Variants in TM4SF4 observed in about 807,000 individuals in gnomAD.
TM4SF4 encodes transmembrane 4 L6 family member 4.
A neutral mutation model predicts 24.1 loss-of-function variants in TM4SF4; 24 were observed. The ratio of observed to expected loss-of-function variants is 1.00; its 90% CI spans 0.72 to 1.40. The LOEUF (loss-of-function observed/expected upper bound fraction) is 1.40. Among genes scored for constraint, TM4SF4 ranks in the 40% most tolerant of loss-of-function variants. The probability of loss-of-function intolerance (pLI) is 0.00; values close to 1 mark genes in which losing one functional copy is unlikely to be tolerated. For synonymous variants in TM4SF4, 113 were observed against 97.0 expected, an observed-to-expected ratio of 1.17 and a Z score of -0.97; for missense variants, 254 against 254.2, an observed-to-expected ratio of 1.00 and a Z score of 0.01.
At chr3:149,483,805 G>T (rs1036522371) in intron 2 of TM4SF4, among the ~76,000 whole-genome samples, 6 of 152,086 alleles carry the variant, frequency 3.9e-5, no homozygotes, top group Non-Finnish European at 8.8e-5. Context: ...TTTTGAGACA[G>T]AGTCTCACTC....
chr3:149,479,070 T>C (rs1033823933), intron 2 of TM4SF4, among the ~76,000 whole-genome samples: 1 of 152,128 alleles, frequency 6.6e-6, no homozygotes, highest in African/African-American at 2.4e-5. Context: ...CCTGGCCGAT[T>C]GTTCTGTTTT....
At chr3:149,484,004 C>T (rs939209899) in intron 2 of TM4SF4, among the ~76,000 whole-genome samples, 1 of 152,016 alleles carries the variant, frequency 6.6e-6, no homozygotes, top group Non-Finnish European at 1.5e-5. Flanking sequence ...TGGGCTTGAA[C>T]TCCTGGGCGC....
chr3:149,479,647 C>G (rs145422957), intron 2 of TM4SF4, among the ~76,000 whole-genome samples: 5,087 of 152,324 alleles, frequency 0.033, 91 homozygotes, highest in Middle Eastern at 0.065. Context: ...CAGGCCCCAG[C>G]TCCTTCGGGG....
At chr3:149,476,901 A>C (rs1733942492) in intron 2 of TM4SF4, among the ~76,000 whole-genome samples, 1 of 149,162 alleles carries the variant, frequency 6.7e-6, no homozygotes, top group Admixed American at 6.8e-5. Context: ...TCTGGGCTCA[A>C]GTGATTCTCC....
intron 4 of TM4SF4, among the ~76,000 whole-genome samples, chr3:149,499,816 A>G (rs951353926): frequency 2.6e-5 from 4 of 151,660 alleles, no homozygotes; most frequent in Admixed American, 2.0e-4. Flanking sequence ...CAGAGGTTGC[A>G]GTGAGCCGAG....
chr3:149,482,586 C>T (rs1734053229), intron 2 of TM4SF4, among the ~76,000 whole-genome samples: 1 of 152,176 alleles, frequency 6.6e-6, no homozygotes, highest in African/African-American at 2.4e-5. Context: ...CTCTGTTGCC[C>T]AGGCTGAAGT....
intron 2 of TM4SF4, among the ~76,000 whole-genome samples, chr3:149,486,938 G>T (rs1362895122): frequency 6.6e-6 from 1 of 152,132 alleles, no homozygotes; most frequent in Non-Finnish European, 1.5e-5. Flanking sequence ...GCCTTAGCAG[G>T]ATAATTTGAC....
At position 149,503,089 on chromosome 3, in the gene TM4SF4, T is replaced by A. The variant is rs1246794363; in HGVS notation, c.*396T>A. The A allele has an allele frequency of 6.2e-6, 1 of 162,198 alleles. No homozygotes were observed. Among genetic ancestry groups the A allele is most frequent in the African/African-American group, 2.4e-5 (1 of 41,690 alleles). 10.0% of individuals were successfully genotyped at this position (162,198 alleles called of 1,614,324 possible). ...ACATAAATCAAAGGAAGAAAGCACA[T>A]TTAAAATGAGAAACTAAGACCAATT... is the stretch of plus-strand genomic sequence containing the variant. On this transcript the variant is annotated 3_prime_UTR_variant, in exon 5 of 5. Transcript: ENST00000305354.
At chr3:149,482,066 C>T (rs1163243038) in intron 2 of TM4SF4, among the ~76,000 whole-genome samples, 2 of 152,218 alleles carry the variant, frequency 1.3e-5, no homozygotes, top group African/African-American at 4.8e-5. Flanking sequence ...CAGTGAGGCA[C>T]TGGGGATTAC....
At chr3:149,491,173 T>G (rs1029286495) in intron 3 of TM4SF4, among the ~76,000 whole-genome samples, 1 of 149,610 alleles carries the variant, frequency 6.7e-6, no homozygotes, top group African/African-American at 2.5e-5. Flanking sequence ...TAGCTGGGAG[T>G]GTTGGCTCAT....
chr3:149,485,713 G>A (rs1408989985), intron 2 of TM4SF4, among the ~76,000 whole-genome samples: 2 of 152,182 alleles, frequency 1.3e-5, no homozygotes, highest in Non-Finnish European at 2.9e-5. Flanking sequence ...AGGATCACTT[G>A]AGCCCAGGAA....
chr3:149,483,833 T>C (rs1391142670), intron 2 of TM4SF4, among the ~76,000 whole-genome samples: 2 of 152,144 alleles, frequency 1.3e-5, no homozygotes, highest in African/African-American at 4.8e-5. Flanking sequence ...CATACTGGAG[T>C]GCAGCGGTGT....
chr3:149,493,331 A>C (rs1237342925), intron 3 of TM4SF4, among the ~76,000 whole-genome samples: 1 of 152,236 alleles, frequency 6.6e-6, no homozygotes, highest in Non-Finnish European at 1.5e-5. Context: ...TGTCATAAAT[A>C]AATCATTTCA....
At chr3:149,484,676 C>T (rs751837810) in intron 2 of TM4SF4, among the ~76,000 whole-genome samples, 24 of 152,150 alleles carry the variant, frequency 1.6e-4, no homozygotes, top group Non-Finnish European at 2.9e-4. Flanking sequence ...CTTGGCCTCC[C>T]GAGTAACTGG....
At chr3:149,479,320 A>G (rs1733991491) in intron 2 of TM4SF4, among the ~76,000 whole-genome samples, 1 of 151,326 alleles carries the variant, frequency 6.6e-6, no homozygotes, top group African/African-American at 2.4e-5. Context: ...TTATGTTCTA[A>G]GGCTTTGGAG....
intron 3 of TM4SF4, among the ~76,000 whole-genome samples, chr3:149,494,340 C>A (rs139744828): frequency 2.0e-5 from 3 of 152,162 alleles, no homozygotes; most frequent in Non-Finnish European, 4.4e-5. Context: ...CTACGTTCGC[C>A]GTAAACGTTT....
chr3:149,475,197 T>C, intron 1 of TM4SF4, 146 bp downstream of exon 1: 6 of 885,346 alleles, frequency 6.8e-6, no homozygotes, highest in Non-Finnish European at 1.0e-5. Context: ...GCCTTAATTT[T>C]TTTCTCGTTT....
At chr3:149,489,402 CT>C (rs755496549) in intron 3 of TM4SF4, among the ~76,000 whole-genome samples, 44 of 152,302 alleles carry the variant, frequency 2.9e-4, no homozygotes, top group South Asian at 1.5e-3. Context: ...TAATACTACC[CT>C]AGGAATTTAA....
chr3:149,501,532 A>C (rs1471241892), intron 4 of TM4SF4, among the ~76,000 whole-genome samples: 1 of 152,236 alleles, frequency 6.6e-6, no homozygotes, highest in African/African-American at 2.4e-5. Flanking sequence ...TTTGGACATC[A>C]CAAAGTTTCA....
Sources: gnomAD v4.1 joint callset for allele counts (sites outside exome capture counted in the v4.1 genomes callset) on GRCh38, gnomAD v4.1.1 for gene constraint, MANE v1.5 for transcripts, NCBI Gene and HGNC (gene_info 2026-07-23, HGNC 2026-07-21) for gene names.